The following DISP3 variants were observed in gnomAD, a reference collection of about 807,000 sequenced individuals.
The protein encoded by DISP3 is protein dispatched homolog 3.
A neutral mutation model predicts 135.3 loss-of-function variants in DISP3; 101 were observed. The ratio of observed to expected loss-of-function variants is 0.75; its 90% CI spans 0.64 to 0.88. The LOEUF (loss-of-function observed/expected upper bound fraction) is 0.88, where lower values mean the gene tolerates loss of function less well. Ranked by LOEUF, DISP3 falls within the 40% of genes least tolerant of loss-of-function variation. The probability of loss-of-function intolerance (pLI) is 0.00; values close to 1 mark genes in which losing one functional copy is unlikely to be tolerated. For synonymous variants in DISP3, 856 were observed against 817.0 expected (o/e 1.05, Z -0.81); for missense variants, 1,713 against 1,878.6 (o/e 0.91, Z 1.63).
At chr1:11,495,592 T>C (rs1043487243) in intron 1 of DISP3, among the ~76,000 whole-genome samples, 24 of 152,120 alleles carry the variant, frequency 1.6e-4, no homozygotes, top group African/African-American at 5.8e-4. Flanking sequence ...TCCCTTCTCC[T>C]TGACTGGACC....
chr1:11,490,723 A>T (rs1218323177), intron 1 of DISP3, among the ~76,000 whole-genome samples: 1 of 152,104 alleles, frequency 6.6e-6, no homozygotes, highest in African/African-American at 2.4e-5. Context: ...AGTCGGGTGG[A>T]ATTCCTTTTG....
At chr1:11,515,311 G>C in intron 4 of DISP3, 58 bp from the exon 5 acceptor site, 1 of 1,595,230 alleles carries the variant, frequency 6.3e-7, no homozygotes, top group Non-Finnish European at 8.6e-7. Context: ...GACTCTAGTG[G>C]GGTTTGTGTC....
intron 6 of DISP3, among the ~76,000 whole-genome samples, chr1:11,517,204 G>A (rs959035491): frequency 4.6e-5 from 7 of 152,204 alleles, no homozygotes; most frequent in African/African-American, 1.4e-4. Context: ...CACTGTTCTG[G>A]GCAGTGGACT....
rs148666952 is a variant in DISP3 at position 11,528,975 on chromosome 1, C to T, written c.2799-581C>T. ...GTGGGGGCCCCTCTGCCTGTCCTCCCCTGAGCCCCAGGCTGGGCTCACTCT... is the reference window on the plus strand; with the variant it reads ...GTGGGGGCCCCTCTGCCTGTCCTCCTCTGAGCCCCAGGCTGGGCTCACTCT... On this transcript the variant is annotated intron_variant, in intron 13 of 20. Transcript: ENST00000294484. 3.3e-3 allele frequency among the ~76,000 whole-genome samples: 508 copies of T among 152,316 alleles called. 1 individual carries two copies. Among genetic ancestry groups the T allele is most frequent in the Non-Finnish European group, 5.6e-3 (381 of 68,014 alleles).
chr1:11,492,355 A>T (rs1021436743), intron 1 of DISP3, among the ~76,000 whole-genome samples: 1 of 152,096 alleles, frequency 6.6e-6, no homozygotes, highest in Non-Finnish European at 1.5e-5. Context: ...TCCTCAGGTG[A>T]TATATTGACC....
At chr1:11,532,448 A>G (rs1557623218) in intron 17 of DISP3, among the ~76,000 whole-genome samples, 1 of 152,108 alleles carries the variant, frequency 6.6e-6, no homozygotes, top group Non-Finnish European at 1.5e-5. Flanking sequence ...ACTAAGAATC[A>G]ATGTGACGGC....
intron 3 of DISP3, among the ~76,000 whole-genome samples, chr1:11,508,838 G>C (rs962792777): frequency 2.0e-5 from 3 of 152,052 alleles, no homozygotes; most frequent in Admixed American, 6.6e-5. Flanking sequence ...ATTATTGACT[G>C]TAGTTACCCT....
chr1:11,502,915 A>G lies in DISP3; in HGVS notation c.1316+18A>G, dbSNP rs760602074. On this transcript the variant is annotated intron_variant, in intron 3 of 20. Coordinates refer to ENST00000294484, the MANE Select transcript of DISP3 (RefSeq NM_020780.2). ...TCTACCAGGTAGGAAGTCCAGCTGC[A>G]TCCTGTGTGTGCATGCCCATTTTTG... The G allele has an allele frequency of 1.3e-6, 2 of 1,594,794 alleles. No individual in the cohort carries two copies. Among genetic ancestry groups the G allele is most frequent in the East Asian group, 4.5e-5 (2 of 44,696 alleles).
rs762330443 is a variant in DISP3 at position 11,501,447 on chromosome 1, T to A, written c.455T>A (p.Ile152Asn). 1 of 1,600,568 alleles carries A rather than the reference T, an allele frequency of 6.2e-7. No individual in the cohort carries two copies. Among genetic ancestry groups the A allele is most frequent in the Non-Finnish European group, 8.5e-7 (1 of 1,174,032 alleles). The part of the protein sequence containing the change: ...DFTSETLQRL[I>N]SEQLQQLHLG... ...ACCTCCGAGACGCTTCAGCGCCTTA[T>A]CTCAGAGCAGCTGCAGCAGCTGCAT... Residue 152 changes from isoleucine to asparagine, a missense_variant, in exon 2 of 21, where the codon ATC (isoleucine) becomes AAC (asparagine). This residue lies in a region of DISP3 where 571 missense variants were observed against 494.1 expected (regional missense o/e 1.16). Coordinates refer to ENST00000294484, the MANE Select transcript of DISP3 (RefSeq NM_020780.2). The surrounding 1 kb of genome is among the most constrained non-coding windows in gnomAD (Gnocchi z 4.9).
At position 11,501,504 on chromosome 1, in the gene DISP3, C is replaced by G; in HGVS notation, c.512C>G (p.Ala171Gly). 1 of 1,605,616 alleles carries G rather than the reference C, an allele frequency of 6.2e-7. No individual in the cohort carries two copies. The change falls in exon 2 of 21, where the codon GCC becomes GGC. Residue 171 changes from alanine (A) to glycine (G), a missense_variant. By Grantham distance (60) the Ala-to-Gly change is moderately conservative. This residue lies in a region of DISP3 where 571 missense variants were observed against 494.1 expected (regional missense o/e 1.16). Coordinates refer to ENST00000294484, the MANE Select transcript of DISP3 (RefSeq NM_020780.2). The surrounding 1 kb of genome is among the most constrained non-coding windows in gnomAD (Gnocchi z 4.9). ...AACCGCTCGCGGCAAGCCTCCCGAG[C>G]CCCCCGCGTCATCCCCGCGGCCTCA... ...LGNRSRQASR[A>G]PRVIPAASLG...
At position 11,519,807 on chromosome 1, in the gene DISP3, C is replaced by T; in HGVS notation, c.2127C>T (p.Leu709=). The change falls in exon 9 of 21, where the codon CTC becomes CTT. Residue 709 remains leucine, a synonymous_variant. Coordinates refer to ENST00000294484, the MANE Select transcript of DISP3 (RefSeq NM_020780.2). The surrounding 1 kb of genome is among the most constrained non-coding windows in gnomAD (Gnocchi z 4.3). ...PASNTGSRGH[L]IVQLQELLHH... ...CCAACACGGGCAGCCGCGGCCATCT[C>T]ATCGTGCAGCTGCAGGAGCTGCTGC... 6.2e-7 allele frequency: 1 copy of T among 1,612,940 alleles called. No individual in the cohort carries two copies. The highest frequency in any genetic ancestry group is 1.3e-5 in the African/African-American group (1 of 75,054).
At chr1:11,514,244 A>C in intron 3 of DISP3, 146 bp from the exon 4 acceptor site, 1 of 942,982 alleles carries the variant, frequency 1.1e-6, no homozygotes, top group East Asian at 2.4e-5. Context: ...GATTATTGGA[A>C]GCCCCCAGGT....
rs777932546 is a variant in DISP3 at position 11,515,397 on chromosome 1, CATT to C, written c.1483_1485del (p.Ile495del). The stretch of plus-strand genomic sequence containing the variant: ...TCCTGTCCTTCTTTGGGATTGCCAG[CATT>C]GGTCTCAGCTGCCTGGTGGCCCTCT... On this transcript the variant is annotated inframe_deletion, in exon 5 of 21. Transcript: ENST00000294484. 1 of 1,614,240 alleles carries C rather than the reference CATT, an allele frequency of 6.2e-7. No individual in the cohort carries two copies. Among genetic ancestry groups the C allele is most frequent in the East Asian group, 2.2e-5 (1 of 44,892 alleles).
At position 11,525,288 on chromosome 1, in the gene DISP3, G is replaced by T; in HGVS notation, c.2589G>T (p.Gly863=). Residue 863 remains glycine, a synonymous_variant, in exon 12 of 21, where the codon GGG becomes GGT. Coordinates refer to ENST00000294484, the MANE Select transcript of DISP3 (RefSeq NM_020780.2). ...CTCCTTGGCAGGCTGTGTCGCCTGG[G>T]GATGGAGAGGTGCCCTCCTTCCAGG... ...LPAPWQAVSP[G]DGEVPSFQVY... 1 of 1,613,818 alleles carries T rather than the reference G, an allele frequency of 6.2e-7. No individual in the cohort carries two copies. The highest frequency in any genetic ancestry group is 2.2e-5 in the East Asian group (1 of 44,868).
At chr1:11,528,637 C>T (rs1242701434) in intron 13 of DISP3, among the ~76,000 whole-genome samples, 3 of 152,176 alleles carry the variant, frequency 2.0e-5, no homozygotes, top group Non-Finnish European at 4.4e-5. Context: ...GGTACAAGGC[C>T]ATGCTCGGTG....
intron 3 of DISP3, among the ~76,000 whole-genome samples, chr1:11,507,638 CAGCTT>C (rs1641745012): frequency 6.6e-6 from 1 of 152,224 alleles, no homozygotes; most frequent in South Asian, 2.1e-4. Flanking sequence ...TGTAGAAGGG[CAGCTT>C]ACCTTTCCTA....
intron 5 of DISP3, among the ~76,000 whole-genome samples, chr1:11,515,761 G>A (rs1007960613): frequency 2.0e-5 from 3 of 152,158 alleles, no homozygotes; most frequent in African/African-American, 7.2e-5. Context: ...AGGAGGTCAG[G>A]ATGTGGGGGA....
chr1:11,486,054 A>G (rs1641028754), intron 1 of DISP3, among the ~76,000 whole-genome samples: 1 of 152,134 alleles, frequency 6.6e-6, no homozygotes, highest in Non-Finnish European at 1.5e-5. Context: ...ATGTGGGCTG[A>G]CCATTTGCTT....
At chr1:11,482,808 G>T (rs1000491241) in intron 1 of DISP3, among the ~76,000 whole-genome samples, 1 of 152,140 alleles carries the variant, frequency 6.6e-6, no homozygotes, top group African/African-American at 2.4e-5. Context: ...AGGGCTTGTC[G>T]TTTGAAATCG....
Sources: gnomAD v4.1 joint callset for allele counts (sites outside exome capture counted in the v4.1 genomes callset) on GRCh38, gnomAD v4.1.1 for gene constraint, gnomAD v4.1.1 regional missense constraint, Gnocchi (gnomAD v3.1) non-coding constraint, MANE v1.5 for transcripts, NCBI Gene and HGNC (gene_info 2026-07-23, HGNC 2026-07-21) for gene names.